The following SGCZ variants were observed in gnomAD, a reference collection of about 807,000 sequenced individuals.
SGCZ encodes the protein sarcoglycan zeta.
A neutral mutation model predicts 41.3 loss-of-function variants in SGCZ; 40 were observed. The observed-to-expected ratio is 0.97, with a 90% CI of 0.75 to 1.26. The LOEUF is 1.26. Ranked by LOEUF, SGCZ falls within the 50% of genes most tolerant of loss-of-function variation. The pLI, the probability that SGCZ is intolerant of heterozygous loss-of-function variation, is 0.00. For synonymous variants in SGCZ, 206 were observed against 137.5 expected (o/e 1.50, Z -3.49); for missense variants, 552 against 369.8 (o/e 1.49, Z -4.04).
At chr8:14,512,479 G>C (rs1291948294) in intron 2 of SGCZ, among the ~76,000 whole-genome samples, 1 of 151,942 alleles carries the variant, frequency 6.6e-6, no homozygotes, top group Non-Finnish European at 1.5e-5. Context: ...TTATATTTTA[G>C]AGACAAGATC....
chr8:14,778,601 G>A lies in SGCZ; in HGVS notation c.40-223675C>T, dbSNP rs973635706. Among the ~76,000 whole-genome samples, 7 of 152,094 alleles carry A rather than the reference G, an allele frequency of 4.6e-5. No individual in the cohort carries two copies. In the South Asian group the frequency reaches 6.2e-4, roughly 14 times the overall value. On this transcript the variant is annotated intron_variant, in intron 1 of 7. Transcript: ENST00000382080. ...GTGGATGACAAGAAACCTATGTTAC[G>A]GATATATAAAACACACGTGTAAATC...
intron 1 of SGCZ, among the ~76,000 whole-genome samples, chr8:14,617,403 T>C (rs1806140530): frequency 6.6e-6 from 1 of 152,202 alleles, no homozygotes; most frequent in Non-Finnish European, 1.5e-5. Context: ...CTGTTCAAAA[T>C]TATCACGTTT....
chr8:14,202,397 T>C (rs1176677990), intron 4 of SGCZ, among the ~76,000 whole-genome samples: 4 of 152,114 alleles, frequency 2.6e-5, no homozygotes, highest in African/African-American at 9.7e-5. Flanking sequence ...ATAATAATTT[T>C]GTGGTGGTGT....
intron 3 of SGCZ, among the ~76,000 whole-genome samples, chr8:14,310,275 T>C (rs918058907): frequency 6.6e-6 from 1 of 152,136 alleles, no homozygotes; most frequent in South Asian, 2.1e-4. Flanking sequence ...CATGTAACAT[T>C]GGTGAAGGAT....
intron 1 of SGCZ, among the ~76,000 whole-genome samples, chr8:14,927,842 A>G (rs1250658484): frequency 1.3e-5 from 2 of 152,194 alleles, no homozygotes; most frequent in Non-Finnish European, 1.5e-5. Context: ...ATTAATACAT[A>G]TAGTACCAAG....
intron 1 of SGCZ, among the ~76,000 whole-genome samples, chr8:14,820,860 C>A (rs1345600368): frequency 1.4e-5 from 2 of 146,358 alleles, no homozygotes; most frequent in African/African-American, 5.3e-5. Flanking sequence ...TAGCAATAAA[C>A]CCCTAGATCA....
At chr8:15,137,947 C>A (rs187678282) in intron 1 of SGCZ, among the ~76,000 whole-genome samples, 26 of 152,262 alleles carry the variant, frequency 1.7e-4, no homozygotes, top group African/African-American at 6.3e-4. Flanking sequence ...ACAGCTTGCA[C>A]TGTGTGCCTG....
intron 4 of SGCZ, among the ~76,000 whole-genome samples, chr8:14,218,364 T>G (rs532122339): frequency 6.6e-6 from 1 of 152,272 alleles, no homozygotes; most frequent in African/African-American, 2.4e-5. Flanking sequence ...AGGAAGAAAA[T>G]TAATGAAAGA....
At chr8:14,631,983 C>T (rs768980119) in intron 1 of SGCZ, among the ~76,000 whole-genome samples, 1 of 151,932 alleles carries the variant, frequency 6.6e-6, no homozygotes, top group Admixed American at 6.6e-5. Context: ...ACAATAGAAA[C>T]ATTTTACTTT....
intron 1 of SGCZ, among the ~76,000 whole-genome samples, chr8:14,716,067 C>G (rs1383602433): frequency 6.6e-6 from 1 of 151,888 alleles, no homozygotes; most frequent in Admixed American, 6.6e-5. Context: ...TCGGAAAATA[C>G]CAGATAGCAA....
intron 1 of SGCZ, among the ~76,000 whole-genome samples, chr8:15,173,391 A>G (rs1799906262): frequency 6.6e-6 from 1 of 152,212 alleles, no homozygotes; most frequent in South Asian, 2.1e-4. Flanking sequence ...AAAATGGATG[A>G]TGATAGCACC....
chr8:14,580,001 G>A (rs1804835281), intron 1 of SGCZ, among the ~76,000 whole-genome samples: 1 of 152,140 alleles, frequency 6.6e-6, no homozygotes, highest in South Asian at 2.1e-4. Flanking sequence ...AGTTAACCAC[G>A]AGTGGCTCTG....
chr8:14,159,791 G>A (rs560353397), intron 5 of SGCZ, among the ~76,000 whole-genome samples: 1 of 152,272 alleles, frequency 6.6e-6, no homozygotes, highest in African/African-American at 2.4e-5. Context: ...TAGAAAGGTT[G>A]AGTCCAAAGC....
At chr8:14,676,942 T>A (rs1425682894) in intron 1 of SGCZ, among the ~76,000 whole-genome samples, 1 of 152,016 alleles carries the variant, frequency 6.6e-6, no homozygotes, top group Non-Finnish European at 1.5e-5. Context: ...TTTTTCAACA[T>A]CATACTGTAA....
chr8:14,591,703 A>G (rs1302586890), intron 1 of SGCZ, among the ~76,000 whole-genome samples: 1 of 152,156 alleles, frequency 6.6e-6, no homozygotes, highest in Non-Finnish European at 1.5e-5. Flanking sequence ...AACTCAAAAT[A>G]TAAAGCTTCC....
intron 2 of SGCZ, among the ~76,000 whole-genome samples, chr8:14,406,015 T>C (rs542375176): frequency 1.3e-5 from 2 of 152,252 alleles, no homozygotes; most frequent in South Asian, 4.1e-4. Flanking sequence ...CATTCAGCTA[T>C]TCATGAACAG....
At chr8:14,898,034 G>C (rs1022197083) in intron 1 of SGCZ, among the ~76,000 whole-genome samples, 2 of 151,984 alleles carry the variant, frequency 1.3e-5, no homozygotes, top group African/African-American at 4.8e-5. Flanking sequence ...TTCACGAACA[G>C]ATGTGTTTAG....
At chr8:14,134,605 A>T (rs1803141289) in intron 5 of SGCZ, among the ~76,000 whole-genome samples, 1 of 152,196 alleles carries the variant, frequency 6.6e-6, no homozygotes, top group Admixed American at 6.5e-5. Flanking sequence ...GAGCCACAAC[A>T]AATTGTCAGG....
At chr8:14,812,602 C>A (rs1256137784) in intron 1 of SGCZ, among the ~76,000 whole-genome samples, 1 of 152,010 alleles carries the variant, frequency 6.6e-6, no homozygotes, top group African/African-American at 2.4e-5. Flanking sequence ...TAAATGGCCT[C>A]CAAACACCCT....
Sources: allele counts gnomAD v4.1 joint callset (sites outside exome capture counted in the v4.1 genomes callset), GRCh38; gene constraint gnomAD v4.1.1; transcripts MANE v1.5; gene names NCBI Gene and HGNC (gene_info 2026-07-23, HGNC 2026-07-21).